GOT1: variants seen among roughly 807,000 people sequenced by gnomAD.
GOT1 encodes the protein aspartate aminotransferase, cytoplasmic.
GOT1 carries 25 observed loss-of-function variants against 48.2 expected under a neutral mutation model. The observed-to-expected ratio is 0.52, with a 90% CI of 0.38 to 0.72. The LOEUF is 0.72. Ranked by LOEUF, GOT1 falls within the 30% of genes least tolerant of loss-of-function variation. The pLI is 0.00. For missense variants in GOT1, 380 were observed against 520.1 expected (o/e 0.73, Z 2.62); for synonymous variants, 188 against 193.8 (o/e 0.97, Z 0.25).
chr10:99,401,954 C>A (rs1444994506), intron 8 of GOT1, among the ~76,000 whole-genome samples: 1 of 151,874 alleles, frequency 6.6e-6, no homozygotes, highest in East Asian at 2.0e-4. Context: ...ACTACAGGCG[C>A]CTGCCACCAC....
At position 99,405,842 on chromosome 10, in the gene GOT1, T is replaced by C. The variant is rs2032748214; in HGVS notation, c.556A>G (p.Ile186Val). 1.9e-6 allele frequency: 3 copies of C among 1,604,374 alleles called. No individual in the cohort carries two copies. The highest frequency in any genetic ancestry group is 2.2e-5 in the South Asian group (2 of 90,910). The change falls in exon 5 of 9, where the codon ATT (isoleucine) becomes GTT (valine). Residue 186 changes from isoleucine (I) to valine (V), a missense_variant. Coordinates refer to ENST00000370508, the MANE Select transcript of GOT1 (RefSeq NM_002079.3). ...TGTGCACAGGCGTGGAGGACAACAATGGAGAACTCAGGAGCATTCTGAGGA... is the reference window on the plus strand; with the variant it reads ...TGTGCACAGGCGTGGAGGACAACAACGGAGAACTCAGGAGCATTCTGAGGA... ...NDLENAPEFSIVVLHACAHNP... is the reference protein window; with the variant it reads ...NDLENAPEFSVVVLHACAHNP...
intron 2 of GOT1, among the ~76,000 whole-genome samples, chr10:99,417,353 A>G (rs1323400059): frequency 6.6e-6 from 1 of 152,234 alleles, no homozygotes; most frequent in Non-Finnish European, 1.5e-5. Context: ...TGGCCATCAG[A>G]GAAATGCAAA....
intron 5 of GOT1, 122 bp downstream of exon 5, chr10:99,405,634 T>C (rs2032745626): frequency 1.6e-6 from 1 of 625,134 alleles, no homozygotes; most frequent in South Asian, 2.0e-5. Flanking sequence ...ATACTTATTT[T>C]CTTCTTTGGA....
At chr10:99,422,499 T>C (rs2032983886) in intron 1 of GOT1, among the ~76,000 whole-genome samples, 1 of 152,228 alleles carries the variant, frequency 6.6e-6, no homozygotes, top group South Asian at 2.1e-4. Flanking sequence ...TGGATCAAAC[T>C]GTACATAGAA....
Position 99,405,801 on chromosome 10 carries a change from A to C in GOT1, c.597T>G (p.Ile199Met), listed in dbSNP as rs765499448. ...LHACAHNPTG[I>M]DPTPEQWKQI... is the part of the protein sequence containing the mutation. ...GCTTCCACTGCTCCGGAGTTGGGTC[A>C]ATCCCAGTTGGGTTGTGTGCACAGG... Residue 199 changes from isoleucine to methionine, a missense_variant, in exon 5 of 9, where the codon ATT becomes ATG. By Grantham distance (10) the Ile-to-Met change is conservative. Coordinates refer to ENST00000370508, the MANE Select transcript of GOT1 (RefSeq NM_002079.3). 3.7e-6 allele frequency: 6 copies of C among 1,611,970 alleles called. No homozygotes were observed. The East Asian group carries it at 1.3e-4, about 36-fold the overall frequency.
chr10:99,417,161 C>A (rs1157504740), intron 2 of GOT1, among the ~76,000 whole-genome samples: 1 of 152,002 alleles, frequency 6.6e-6, no homozygotes, highest in South Asian at 2.1e-4. Context: ...AATGGGAGAA[C>A]ATTTTTGCAA....
chr10:99,401,042 T>C (rs1191889661), intron 8 of GOT1, among the ~76,000 whole-genome samples: 1 of 152,242 alleles, frequency 6.6e-6, no homozygotes, highest in Non-Finnish European at 1.5e-5. Context: ...TAAGCACAGT[T>C]CTATTCTCAT....
At chr10:99,420,974 T>C (rs1283398258) in intron 1 of GOT1, among the ~76,000 whole-genome samples, 169 bp from the exon 2 acceptor site, 1 of 152,174 alleles carries the variant, frequency 6.6e-6, no homozygotes, top group African/African-American at 2.4e-5. Context: ...GAGCCAAGCA[T>C]TGGGCTAGGT....
At chr10:99,427,741 A>G (rs2033059904) in intron 1 of GOT1, among the ~76,000 whole-genome samples, 1 of 152,080 alleles carries the variant, frequency 6.6e-6, no homozygotes, top group Non-Finnish European at 1.5e-5. Flanking sequence ...ACTGGCTACC[A>G]CCTGGAGGTA....
chr10:99,397,464 T>G lies in GOT1; in HGVS notation c.*83A>C. On this transcript the variant is annotated 3_prime_UTR_variant, in exon 9 of 9. Coordinates refer to ENST00000370508, the MANE Select transcript of GOT1 (RefSeq NM_002079.3). This position sits in a 1 kb window ranked among gnomAD's most constrained non-coding sequence, Gnocchi z 5.4. ...CAGTCCTGCAAGTGTCTCTAATCCA[T>G]GGTATGTACATGTAGGTTTGTGCAG... 1.4e-6 allele frequency: 2 copies of G among 1,399,306 alleles called. No homozygotes were observed. The highest frequency in any genetic ancestry group is 2.4e-5 in the South Asian group (2 of 84,630). 86.7% of individuals were successfully genotyped at this position (1,399,306 alleles called of 1,614,324 possible).
At chr10:99,410,816 A>G (rs999620282) in intron 2 of GOT1, among the ~76,000 whole-genome samples, 4 of 152,252 alleles carry the variant, frequency 2.6e-5, no homozygotes, top group Non-Finnish European at 5.9e-5. Flanking sequence ...GGAAGTAAGT[A>G]CAGACTTCTC....
At chr10:99,412,500 A>G (rs1345549051) in intron 2 of GOT1, among the ~76,000 whole-genome samples, 1 of 151,688 alleles carries the variant, frequency 6.6e-6, no homozygotes, top group African/African-American at 2.4e-5. Context: ...GGGAATGGTG[A>G]GGCCTTCCAA....
chr10:99,404,489 G>T (rs186761662), intron 5 of GOT1, among the ~76,000 whole-genome samples: 1 of 152,160 alleles, frequency 6.6e-6, no homozygotes, highest in Admixed American at 6.5e-5. Context: ...CCACATCCTG[G>T]CACTCCCCAA....
chr10:99,418,339 T>C (rs35546038), intron 2 of GOT1, among the ~76,000 whole-genome samples: 10,330 of 152,128 alleles, frequency 0.068, 470 homozygotes, highest in South Asian at 0.17. Flanking sequence ...AGGAACAGCA[T>C]CTGCCCAACA....
At chr10:99,428,788 A>T (rs903586858) in intron 1 of GOT1, among the ~76,000 whole-genome samples, 1 of 152,222 alleles carries the variant, frequency 6.6e-6, no homozygotes, top group Admixed American at 6.5e-5. Flanking sequence ...TGTCCATTCA[A>T]ATTCAATTTG....
chr10:99,402,516 C>A (rs2032694121), intron 8 of GOT1, 64 bp downstream of exon 8: 8 of 1,555,692 alleles, frequency 5.1e-6, no homozygotes, highest in Admixed American at 1.7e-5. Context: ...TCAAGGCGAG[C>A]GACTGAAAGG....
At chr10:99,419,948 A>G (rs1233423776) in intron 2 of GOT1, among the ~76,000 whole-genome samples, 1 of 152,108 alleles carries the variant, frequency 6.6e-6, no homozygotes, top group East Asian at 1.9e-4. Flanking sequence ...TCCTCCATGT[A>G]TCTCCAGTTA....
chr10:99,403,666 G>A (rs762744750), intron 6 of GOT1, 32 bp from the exon 7 acceptor site: 8 of 1,613,894 alleles, frequency 5.0e-6, no homozygotes, highest in Non-Finnish European at 6.8e-6. Context: ...AGCTGTGGCT[G>A]CTGAAGCAGG....
In GOT1 at chr10:99,427,972, G is replaced by T. The variant is rs2033062546; in HGVS notation, c.118+2476C>A. Among the ~76,000 whole-genome samples, 6 of 152,178 alleles carry T rather than the reference G, an allele frequency of 3.9e-5. 2 individuals are homozygous for T. The South Asian group carries it at 1.2e-3, about 32-fold the overall frequency. The stretch of plus-strand genomic sequence containing the variant: ...ATAATTTGCTCATGGTAAGGAGTTG[G>T]AGTTCCTGGAAAACATGACAAAGGC... On this transcript the variant is annotated intron_variant, in intron 1 of 8. Coordinates refer to ENST00000370508, the MANE Select transcript of GOT1 (RefSeq NM_002079.3).
Sources: allele counts gnomAD v4.1 joint callset (sites outside exome capture counted in the v4.1 genomes callset), GRCh38; gene constraint gnomAD v4.1.1; non-coding constraint Gnocchi (gnomAD v3.1); transcripts MANE v1.5; gene names NCBI Gene and HGNC (gene_info 2026-07-23, HGNC 2026-07-21).